The following FAM3C variants were observed in gnomAD, a reference collection of about 807,000 sequenced individuals.
FAM3C encodes the protein protein FAM3C.
A neutral mutation model predicts 32.5 loss-of-function variants in FAM3C; 15 were observed. The observed-to-expected ratio is 0.46, with a 90% CI of 0.31 to 0.71. FAM3C has a LOEUF of 0.71. Among genes scored for constraint, FAM3C ranks in the 30% least tolerant of loss-of-function variants. The pLI, the probability that FAM3C is intolerant of heterozygous loss-of-function variation, is 0.05. For synonymous variants in FAM3C, 75 were observed against 86.1 expected (o/e 0.87, Z 0.72); for missense variants, 175 against 274.4 (o/e 0.64, Z 2.56).
intron 1 of FAM3C, among the ~76,000 whole-genome samples, chr7:121,395,794 T>C (rs1021407702): frequency 5.3e-5 from 8 of 152,146 alleles, no homozygotes; most frequent in African/African-American, 1.9e-4. Flanking sequence ...GCTCTCAGCC[T>C]ACACGCTGCA....
chr7:121,357,344 G>A (rs1793834819), intron 8 of FAM3C, among the ~76,000 whole-genome samples: 1 of 152,084 alleles, frequency 6.6e-6, no homozygotes, highest in Admixed American at 6.6e-5. Flanking sequence ...GAGTATAAGT[G>A]GAAGAAAACG....
chr7:121,374,567 C>T (rs1794206326), intron 3 of FAM3C, among the ~76,000 whole-genome samples: 1 of 152,120 alleles, frequency 6.6e-6, no homozygotes, highest in African/African-American at 2.4e-5. Flanking sequence ...ATATGTTAAC[C>T]TTTCATATAC....
At chr7:121,365,733 A>C (rs934682063) in intron 5 of FAM3C, among the ~76,000 whole-genome samples, 2 of 152,146 alleles carry the variant, frequency 1.3e-5, no homozygotes, top group African/African-American at 4.8e-5. Context: ...AAGTGAATTA[A>C]AACAGGAACC....
At chr7:121,373,838 C>T (rs552942950) in intron 3 of FAM3C, among the ~76,000 whole-genome samples, 159 of 151,144 alleles carry the variant, frequency 1.1e-3, no homozygotes, top group African/African-American at 3.5e-3. Flanking sequence ...CTGGCTAACA[C>T]GGTGAAACCC....
intron 3 of FAM3C, among the ~76,000 whole-genome samples, chr7:121,377,270 TC>T (rs1240556819): frequency 3.3e-5 from 5 of 152,184 alleles, no homozygotes; most frequent in African/African-American, 1.2e-4. Context: ...TGCAGAACTG[TC>T]AGACAATTAA....
chr7:121,395,169 AT>A, intron 1 of FAM3C, among the ~76,000 whole-genome samples: 1 of 152,148 alleles, frequency 6.6e-6, no homozygotes, highest in South Asian at 2.1e-4. Context: ...ATATATATGG[AT>A]ACATACATAT....
intron 1 of FAM3C, among the ~76,000 whole-genome samples, chr7:121,385,316 A>C (rs1794444646): frequency 6.6e-6 from 1 of 152,200 alleles, no homozygotes. Context: ...AAAAAGTGTT[A>C]CATAGGCCAA....
chr7:121,372,215 C>T (rs78031802), intron 3 of FAM3C, 76 bp from the exon 4 acceptor site: 10,165 of 937,410 alleles, frequency 0.011, 98 homozygotes, highest in Non-Finnish European at 0.013. Context: ...ATATTTAGGT[C>T]CACAAAAATA....
chr7:121,362,638 T>G lies in FAM3C; in HGVS notation c.382+259A>C, dbSNP rs1251544541. 10 of 413,568 alleles carry G rather than the reference T, an allele frequency of 2.4e-5. No individual in the cohort carries two copies. The East Asian group carries it at 4.3e-4, about 18-fold the overall frequency. The allele number at this position is 413,568 out of a possible 1,614,324, so 25.6% of individuals were successfully genotyped here. A position where few individuals can be genotyped will look rare whatever the true frequency, so the allele number is the denominator to read the frequency against. ...ATTGGTTGTCCTGTAGAAAACAAGA[T>G]GACTTTTTTTAAAAAAATCTCAATT... On this transcript the variant is annotated intron_variant, in intron 7 of 9. Coordinates refer to ENST00000359943, the MANE Select transcript of FAM3C (RefSeq NM_014888.3).
chr7:121,375,162 C>G (rs1016813410), intron 3 of FAM3C, among the ~76,000 whole-genome samples: 1 of 152,138 alleles, frequency 6.6e-6, no homozygotes, highest in Non-Finnish European at 1.5e-5. Context: ...AATATAAGTA[C>G]TATGCAATCA....
At chr7:121,378,694 A>G (rs1459299154) in intron 3 of FAM3C, among the ~76,000 whole-genome samples, 1 of 141,700 alleles carries the variant, frequency 7.1e-6, no homozygotes, top group Non-Finnish European at 1.5e-5. Flanking sequence ...GACTCATTAC[A>G]TATGTTCAAA....
intron 8 of FAM3C, among the ~76,000 whole-genome samples, chr7:121,356,364 G>A (rs1432225992): frequency 6.6e-6 from 1 of 152,118 alleles, no homozygotes; most frequent in Non-Finnish European, 1.5e-5. Context: ...AGTTAAAAGA[G>A]CCTGTGTATT....
rs534972680 is a variant in FAM3C at position 121,371,154 on chromosome 7, T to C, written c.272+146A>G. On this transcript the variant is annotated intron_variant, in intron 5 of 9. Coordinates refer to ENST00000359943, the MANE Select transcript of FAM3C (RefSeq NM_014888.3). Reference sequence around the variant, plus strand: ...AGAACTTTAAGGTCCCTTGAATTCATGAGAAAAAAACTACATAACAAAAAT... The same window carrying C: ...AGAACTTTAAGGTCCCTTGAATTCACGAGAAAAAAACTACATAACAAAAAT... 15 of 948,790 alleles carry C rather than the reference T, an allele frequency of 1.6e-5. No individual in the cohort carries two copies. The East Asian group carries it at 2.5e-4, about 16-fold the overall frequency. 58.8% of individuals were successfully genotyped at this position (948,790 alleles called of 1,614,324 possible). A position where few individuals can be genotyped will look rare whatever the true frequency, so the allele number is the denominator to read the frequency against.
chr7:121,352,718 C>G (rs1793729193), intron 8 of FAM3C, among the ~76,000 whole-genome samples: 1 of 152,192 alleles, frequency 6.6e-6, no homozygotes, highest in African/African-American at 2.4e-5. Flanking sequence ...CATCACTTTC[C>G]ACTTGTTTGC....
chr7:121,352,296 A>G (rs1310527546), intron 8 of FAM3C, among the ~76,000 whole-genome samples: 1 of 150,848 alleles, frequency 6.6e-6, no homozygotes, highest in South Asian at 2.1e-4. Flanking sequence ...TCATTTAACT[A>G]AAGAAAAAGG....
intron 1 of FAM3C, among the ~76,000 whole-genome samples, chr7:121,387,300 A>G (rs1794485720): frequency 6.6e-6 from 1 of 152,128 alleles, no homozygotes; most frequent in South Asian, 2.1e-4. Context: ...AAAAAGAAAT[A>G]AAAATATAAA....
At chr7:121,368,015 G>T (rs994081089) in intron 5 of FAM3C, among the ~76,000 whole-genome samples, 1 of 151,944 alleles carries the variant, frequency 6.6e-6, no homozygotes, top group Non-Finnish European at 1.5e-5. Context: ...AAAAAAAGCT[G>T]CAATTACTGT....
At chr7:121,396,079 T>C (rs1015719599) in intron 1 of FAM3C, 83 bp downstream of exon 1, 1 of 151,052 alleles carries the variant, frequency 6.6e-6, no homozygotes, top group Non-Finnish European at 1.5e-5. Context: ...GCTGAAGTCG[T>C]AGGTGGGCGT....
At chr7:121,354,274 C>A (rs979723584) in intron 8 of FAM3C, among the ~76,000 whole-genome samples, 10 of 152,122 alleles carry the variant, frequency 6.6e-5, no homozygotes, top group African/African-American at 2.2e-4. Flanking sequence ...GAGTTTGTTA[C>A]ATATATTTTA....
Sources: allele counts gnomAD v4.1 joint callset (sites outside exome capture counted in the v4.1 genomes callset), GRCh38; gene constraint gnomAD v4.1.1; transcripts MANE v1.5; gene names NCBI Gene and HGNC (gene_info 2026-07-23, HGNC 2026-07-21).